The following RANBP2 variants were observed in gnomAD, a reference collection of about 807,000 sequenced individuals.
RANBP2 encodes RAN binding protein 2.
A neutral mutation model predicts 303.6 loss-of-function variants in RANBP2; 57 were observed. The observed-to-expected ratio is 0.19, with a 90% confidence interval of 0.15 to 0.23. RANBP2 has a LOEUF of 0.23. RANBP2 is among the 10% of genes least tolerant of loss of function. The pLI, the probability that RANBP2 is intolerant of heterozygous loss-of-function variation, is 1.00. For synonymous variants in RANBP2, 1,167 were observed against 1,301.5 expected, an observed-to-expected ratio of 0.90 and a Z score of 2.23; for missense variants, 3,138 against 3,780.8, an observed-to-expected ratio of 0.83 and a Z score of 4.46.
the RANBP2 span, among the ~76,000 whole-genome samples, chr2:109,256,475 CAG>C: frequency 0.05 from 7,649 of 152,184 alleles, 629 homozygotes; most frequent in African/African-American, 0.17. Flanking sequence ...CTCATGGAAA[CAG>C]GGGAGATTTG....
chr2:109,163,691 G>A, the RANBP2 span, among the ~76,000 whole-genome samples: 1,724 of 152,230 alleles, frequency 0.011, 26 homozygotes, highest in African/African-American at 0.036. Flanking sequence ...GAGCCACCGC[G>A]CCTGGCCGCA....
At chr2:109,589,730 T>A in the RANBP2 span, among the ~76,000 whole-genome samples, 1 of 147,772 alleles carries the variant, frequency 6.8e-6, no homozygotes, top group Non-Finnish European at 1.5e-5. Flanking sequence ...CATATTATTA[T>A]ATAGCCAAAA....
At chr2:109,122,818 C>T in the RANBP2 span, among the ~76,000 whole-genome samples, 1 of 152,170 alleles carries the variant, frequency 6.6e-6, no homozygotes, top group Admixed American at 6.5e-5. Flanking sequence ...CTACAGTGAA[C>T]CATGATTGTG....
At chr2:109,030,394 C>A in the RANBP2 span, among the ~76,000 whole-genome samples, 5 of 152,176 alleles carry the variant, frequency 3.3e-5, no homozygotes, top group Non-Finnish European at 7.4e-5. Context: ...TTGTTAATGT[C>A]ATTGGAAAGG....
the RANBP2 span, among the ~76,000 whole-genome samples, chr2:109,276,793 A>T: frequency 6.6e-5 from 10 of 152,130 alleles, no homozygotes; most frequent in African/African-American, 2.4e-4. Context: ...TTACATATAT[A>T]TATACTACCT....
the RANBP2 span, among the ~76,000 whole-genome samples, chr2:109,573,741 T>G: frequency 3.9e-5 from 6 of 152,234 alleles, no homozygotes; most frequent in Admixed American, 2.0e-4. Flanking sequence ...AATGTAAGAT[T>G]ACTGTCTTTA....
At chr2:109,538,086 C>T in the RANBP2 span, among the ~76,000 whole-genome samples, 1 of 152,316 alleles carries the variant, frequency 6.6e-6, no homozygotes, top group South Asian at 2.1e-4. Flanking sequence ...CTTCTGGAGG[C>T]TCTAGGTGGA....
At chr2:109,394,586 G>A in the RANBP2 span, among the ~76,000 whole-genome samples, 4 of 152,230 alleles carry the variant, frequency 2.6e-5, no homozygotes, top group Non-Finnish European at 5.9e-5. Flanking sequence ...CATTTTGTAT[G>A]GAAGTTGAAA....
chr2:109,075,093 G>T, the RANBP2 span, among the ~76,000 whole-genome samples: 8 of 146,356 alleles, frequency 5.5e-5, no homozygotes, highest in African/African-American at 2.0e-4. Flanking sequence ...AGCTAATGTC[G>T]TACCTTAAGG....
At chr2:109,619,926 C>T in the RANBP2 span, among the ~76,000 whole-genome samples, 1 of 152,170 alleles carries the variant, frequency 6.6e-6, no homozygotes, top group Non-Finnish European at 1.5e-5. Flanking sequence ...GATGACTCTA[C>T]AGAAACTTGT....
chr2:109,055,366 C>CTTTTTCTTTTTCTTTT, the RANBP2 span, among the ~76,000 whole-genome samples: 1 of 133,460 alleles, frequency 7.5e-6, no homozygotes, highest in African/African-American at 2.8e-5. Context: ...TTTTTCTTTT[C>CTTTTTCTTTTTCTTTT]TTTTTTTTTT....
At chr2:108,826,018 T>A in the RANBP2 span, among the ~76,000 whole-genome samples, 2 of 152,232 alleles carry the variant, frequency 1.3e-5, no homozygotes. Flanking sequence ...ATGTTGAACA[T>A]CATTTCATGT....
At chr2:109,323,428 A>G in the RANBP2 span, among the ~76,000 whole-genome samples, 1 of 152,262 alleles carries the variant, frequency 6.6e-6, no homozygotes, top group Non-Finnish European at 1.5e-5. Context: ...ATATGCACAT[A>G]CTATCCCAAA....
At chr2:109,107,991 C>T in the RANBP2 span, among the ~76,000 whole-genome samples, 45 of 152,288 alleles carry the variant, frequency 3.0e-4, no homozygotes, top group Non-Finnish European at 4.7e-4. Context: ...CTGCAAGCTC[C>T]GCCTCACGGG....
chr2:109,081,855 C>T, the RANBP2 span, among the ~76,000 whole-genome samples: 17 of 152,208 alleles, frequency 1.1e-4, no homozygotes, highest in East Asian at 3.8e-4. Context: ...CACTTGCCAA[C>T]GAGGCATCTT....
the RANBP2 span, among the ~76,000 whole-genome samples, chr2:109,120,945 A>G: frequency 6.6e-6 from 1 of 152,322 alleles, no homozygotes; most frequent in East Asian, 1.9e-4. Context: ...CAGCTGTTGC[A>G]GGTTAAGAAG....
intron 7 of RANBP2, among the ~76,000 whole-genome samples, chr2:108,741,544 C>T (rs1055566528): frequency 3.3e-5 from 3 of 91,910 alleles, no homozygotes; most frequent in African/African-American, 8.4e-5. Context: ...CTTGCTCTGT[C>T]GCCCAGTCTG....
chr2:109,195,420 G>A, the RANBP2 span, among the ~76,000 whole-genome samples: 2 of 152,238 alleles, frequency 1.3e-5, no homozygotes, highest in Non-Finnish European at 2.9e-5. Flanking sequence ...GGACACCAGC[G>A]TCTGCCACTC....
chr2:109,400,549 G>A, the RANBP2 span, among the ~76,000 whole-genome samples: 22 of 148,510 alleles, frequency 1.5e-4, no homozygotes, highest in Middle Eastern at 3.6e-3. Context: ...GCACACACAC[G>A]TACGTATACA....
Sources: allele counts gnomAD v4.1 joint callset (sites outside exome capture counted in the v4.1 genomes callset), GRCh38; gene constraint gnomAD v4.1.1; transcripts MANE v1.5; gene names NCBI Gene and HGNC (gene_info 2026-07-23, HGNC 2026-07-21).